Variants in DAAM1 observed in about 807,000 individuals in gnomAD.
The protein encoded by DAAM1 is dishevelled associated activator of morphogenesis 1.
Under a neutral mutation model 130.0 loss-of-function variants are expected in DAAM1, and 52 were observed. The observed-to-expected ratio is 0.40, with a 90% confidence interval of 0.32 to 0.50. The LOEUF (loss-of-function observed/expected upper bound fraction) is 0.50, where lower values mean the gene tolerates loss of function less well. Ranked by LOEUF, DAAM1 falls within the 20% of genes least tolerant of loss-of-function variation. DAAM1 has a pLI of 0.61. For synonymous variants in DAAM1, 452 were observed against 444.5 expected (o/e 1.02, Z -0.21); for missense variants, 1,134 against 1,303.8 (o/e 0.87, Z 2.01).
At chr14:59,225,021 T>G (rs899413047) in intron 1 of DAAM1, among the ~76,000 whole-genome samples, 1,786 of 92,900 alleles carry the variant, frequency 0.019, 127 homozygotes, top group South Asian at 0.028. Context: ...CTGTGTGGGT[T>G]TTTTTTTTTT....
intron 2 of DAAM1, chr14:59,265,181 A>G (rs1882376744): frequency 6.6e-6 from 1 of 152,240 alleles, no homozygotes; most frequent in Non-Finnish European, 1.5e-5. Flanking sequence ...GAATTCATTT[A>G]TAAAGCAGAA....
At chr14:59,329,131 T>A (rs1436363572) in intron 12 of DAAM1, among the ~76,000 whole-genome samples, 1 of 152,140 alleles carries the variant, frequency 6.6e-6, no homozygotes, top group African/African-American at 2.4e-5. Flanking sequence ...CTGGCATACA[T>A]CAGGATCATC....
chr14:59,303,324 G>A (rs1280597189), intron 3 of DAAM1, among the ~76,000 whole-genome samples: 1 of 152,160 alleles, frequency 6.6e-6, no homozygotes, highest in African/African-American at 2.4e-5. Context: ...TCTCTGATGT[G>A]TATCTCACGT....
chr14:59,201,159 TCAAAA>T (rs1319027370), intron 1 of DAAM1, among the ~76,000 whole-genome samples: 1 of 41,528 alleles, frequency 2.4e-5, no homozygotes, highest in Non-Finnish European at 4.5e-5. Context: ...AGACTCCGTC[TCAAAA>T]AAAAAAAAAA....
intron 16 of DAAM1, among the ~76,000 whole-genome samples, chr14:59,344,633 G>C (rs1885997880): frequency 6.6e-6 from 1 of 152,162 alleles, no homozygotes; most frequent in African/African-American, 2.4e-5. Flanking sequence ...TTGACAGGTA[G>C]ATTTTCTTAA....
At chr14:59,194,641 T>G (rs1388878120) in intron 1 of DAAM1, among the ~76,000 whole-genome samples, 4 of 152,238 alleles carry the variant, frequency 2.6e-5, no homozygotes, top group Admixed American at 6.5e-5. Flanking sequence ...TTGTGAAAGC[T>G]CTTTTGAAAA....
In DAAM1 at chr14:59,370,937, A is replaced by G. The variant is rs1335166027; in HGVS notation, c.*2078A>G. 6.6e-6 allele frequency: 1 copy of G among 152,112 alleles called. No individual in the cohort carries two copies. Among genetic ancestry groups the G allele is most frequent in the Non-Finnish European group, 1.5e-5 (1 of 68,004 alleles). The allele number at this position is 152,112 out of a possible 1,614,324, so 9.4% of individuals were successfully genotyped here. On this transcript the variant is annotated 3_prime_UTR_variant, in exon 25 of 25. Transcript: ENST00000360909. ...TTAAGGAATAGACAGGTGGAGGGAA[A>G]GTCACATAAAGGAGCAAGTTTGTGT...
At chr14:59,306,496 A>G (rs1168825916) in intron 3 of DAAM1, among the ~76,000 whole-genome samples, 1 of 152,166 alleles carries the variant, frequency 6.6e-6, no homozygotes, top group African/African-American at 2.4e-5. Context: ...GCAGCATAGT[A>G]TTAATGCTAT....
At chr14:59,274,410 A>G (rs2139528362) in intron 2 of DAAM1, among the ~76,000 whole-genome samples, 1 of 152,200 alleles carries the variant, frequency 6.6e-6, no homozygotes, top group South Asian at 2.1e-4. Context: ...CATCTTTTCA[A>G]CAGTCAGATA....
chr14:59,335,003 TCTTATA>T (rs1477350284), intron 15 of DAAM1, among the ~76,000 whole-genome samples: 1 of 152,154 alleles, frequency 6.6e-6, no homozygotes, highest in Non-Finnish European at 1.5e-5. Context: ...TCAATGGAGC[TCTTATA>T]CTTATTTTCT....
intron 3 of DAAM1, among the ~76,000 whole-genome samples, chr14:59,309,839 T>C (rs1391161451): frequency 6.6e-6 from 1 of 152,180 alleles, no homozygotes; most frequent in Non-Finnish European, 1.5e-5. Context: ...CCCACAAATA[T>C]TTTTACATCT....
At chr14:59,319,645 G>A (rs1053265465) in intron 4 of DAAM1, among the ~76,000 whole-genome samples, 4 of 152,118 alleles carry the variant, frequency 2.6e-5, no homozygotes, top group Non-Finnish European at 5.9e-5. Context: ...TAAGACTTGG[G>A]GTACTTTAGT....
chr14:59,200,984 A>AT (rs1389543452), intron 1 of DAAM1, among the ~76,000 whole-genome samples: 3 of 151,764 alleles, frequency 2.0e-5, no homozygotes, highest in Non-Finnish European at 4.4e-5. Context: ...ACATGATGAA[A>AT]TCCTGTCTCC....
Position 59,192,722 on chromosome 14 carries a change from C to G in DAAM1, c.-38+3954C>G, listed in dbSNP as rs77310978. Among the ~76,000 whole-genome samples, 1,431 of 152,304 alleles carry G rather than the reference C, an allele frequency of 9.4e-3. 20 individuals carry two copies. The highest frequency in any genetic ancestry group is 0.032 in the African/African-American group (1,348 of 41,546). On this transcript the variant is annotated intron_variant, in intron 1 of 24. Coordinates refer to ENST00000360909, the MANE Select transcript of DAAM1 (RefSeq NM_001270520.2). ...GGTAATATTCTAAGTGAATACCAAT[C>G]TTAAGTACGCACAGCATCTGTTGTA...
At chr14:59,316,830 T>G (rs1566699771) in intron 4 of DAAM1, among the ~76,000 whole-genome samples, 1 of 152,248 alleles carries the variant, frequency 6.6e-6, no homozygotes, top group African/African-American at 2.4e-5. Flanking sequence ...TGTTATCTAA[T>G]GAGAAGTTGC....
chr14:59,282,743 A>G (rs1883280159), intron 2 of DAAM1, among the ~76,000 whole-genome samples: 1 of 152,160 alleles, frequency 6.6e-6, no homozygotes, highest in Non-Finnish European at 1.5e-5. Flanking sequence ...GTATAATAAT[A>G]TGACCTACTT....
intron 2 of DAAM1, among the ~76,000 whole-genome samples, chr14:59,286,140 C>T (rs775493948): frequency 6.6e-6 from 1 of 152,034 alleles, no homozygotes; most frequent in Non-Finnish European, 1.5e-5. Context: ...ATAAAAATCA[C>T]ATGGAAGTTA....
chr14:59,342,505 A>G (rs368638905), intron 16 of DAAM1, among the ~76,000 whole-genome samples: 1 of 152,074 alleles, frequency 6.6e-6, no homozygotes, highest in African/African-American at 2.4e-5. Flanking sequence ...TTTGTTGGCA[A>G]TTTATTACTA....
chr14:59,227,273 A>G (rs1888970814), intron 1 of DAAM1, among the ~76,000 whole-genome samples: 1 of 152,078 alleles, frequency 6.6e-6, no homozygotes, highest in African/African-American at 2.4e-5. Flanking sequence ...GGTGTGGTGT[A>G]CCTTTTCATT....
Sources: allele counts gnomAD v4.1 joint callset (sites outside exome capture counted in the v4.1 genomes callset), GRCh38; gene constraint gnomAD v4.1.1; transcripts MANE v1.5; gene names NCBI Gene and HGNC (gene_info 2026-07-23, HGNC 2026-07-21).